The following MCCC1 variants were observed in gnomAD, a reference collection of about 807,000 sequenced individuals.
MCCC1 encodes the protein methylcrotonoyl-CoA carboxylase subunit alpha, mitochondrial.
MCCC1 carries 64 observed loss-of-function variants against 83.8 expected under a neutral mutation model. That is an observed-to-expected ratio of 0.76 (90% CI 0.62 to 0.94). MCCC1 has a LOEUF of 0.94. MCCC1 is among the 40% of genes least tolerant of loss of function. The probability of loss-of-function intolerance (pLI) is 0.00; values close to 1 mark genes in which losing one functional copy is unlikely to be tolerated. For missense variants in MCCC1, 807 were observed against 904.7 expected (o/e 0.89, Z 1.39); for synonymous variants, 322 against 315.4 (o/e 1.02, Z -0.22).
At chr3:183,074,117 TC>T (rs1309876557) in intron 4 of MCCC1, among the ~76,000 whole-genome samples, 4 of 152,228 alleles carry the variant, frequency 2.6e-5, no homozygotes, top group Admixed American at 2.0e-4. Flanking sequence ...TTTAATATTT[TC>T]ACACCATAGT....
chr3:183,033,492 G>A (rs754713289), intron 14 of MCCC1, among the ~76,000 whole-genome samples: 2 of 152,166 alleles, frequency 1.3e-5, no homozygotes, highest in Non-Finnish European at 2.9e-5. Context: ...ATCAGATAAG[G>A]CACTTAATAA....
At chr3:183,067,132 T>C (rs948844320) in intron 7 of MCCC1, among the ~76,000 whole-genome samples, 2 of 152,208 alleles carry the variant, frequency 1.3e-5, no homozygotes, top group Admixed American at 1.3e-4. Context: ...ACTTGACTTG[T>C]AAAGCCAATA....
intron 1 of MCCC1, among the ~76,000 whole-genome samples, chr3:183,114,775 G>A (rs886519223): frequency 6.6e-6 from 1 of 152,038 alleles, no homozygotes; most frequent in Non-Finnish European, 1.5e-5. Context: ...GTGTTTTATT[G>A]GAGTGACCAC....
intron 14 of MCCC1, among the ~76,000 whole-genome samples, chr3:183,032,232 GC>G (rs1288115360): frequency 2.0e-5 from 3 of 152,252 alleles, no homozygotes; most frequent in African/African-American, 7.2e-5. Flanking sequence ...TTAGTGAAGA[GC>G]CATGCCAAAT....
At chr3:183,058,711 TGAA>T (rs1441488647) in intron 7 of MCCC1, among the ~76,000 whole-genome samples, 2 of 151,862 alleles carry the variant, frequency 1.3e-5, no homozygotes, top group African/African-American at 4.8e-5. Context: ...ATATTAAGAG[TGAA>T]TGCACATAAC....
chr3:183,083,894 C>T (rs1019769314), intron 4 of MCCC1, among the ~76,000 whole-genome samples: 15 of 152,226 alleles, frequency 9.9e-5, no homozygotes, highest in African/African-American at 3.6e-4. Context: ...GAAAGTTCTA[C>T]TGCTCAGTCT....
chr3:183,102,131 G>A (rs1719321567), upstream of MCCC1, among the ~76,000 whole-genome samples: 2 of 151,954 alleles, frequency 1.3e-5, no homozygotes, highest in African/African-American at 4.8e-5. Context: ...GGCTGAGGTG[G>A]GCCTCCCAAA....
chr3:183,058,883 T>A (rs1312310403), intron 7 of MCCC1, among the ~76,000 whole-genome samples: 2 of 152,208 alleles, frequency 1.3e-5, no homozygotes, highest in Non-Finnish European at 2.9e-5. Flanking sequence ...GTTGATTTTT[T>A]AAAATAAAAA....
chr3:183,054,784 T>C (rs1317712436), intron 8 of MCCC1, among the ~76,000 whole-genome samples: 1 of 152,204 alleles, frequency 6.6e-6, no homozygotes, highest in Non-Finnish European at 1.5e-5. Context: ...AGGAGGTGTA[T>C]CATTTTAATA....
At chr3:183,070,849 A>G (rs990890001) in intron 7 of MCCC1, 150 bp downstream of exon 7, 8 of 919,960 alleles carry the variant, frequency 8.7e-6, no homozygotes, top group Non-Finnish European at 1.3e-5. Flanking sequence ...ATACCATCCT[A>G]CAATCAGTGG....
intron 3 of MCCC1, among the ~76,000 whole-genome samples, chr3:183,089,658 G>A (rs967661777): frequency 6.6e-6 from 1 of 151,966 alleles, no homozygotes; most frequent in Non-Finnish European, 1.5e-5. Flanking sequence ...ATAGGTGGGA[G>A]GGGGTGGAAA....
intron 1 of MCCC1, among the ~76,000 whole-genome samples, chr3:183,111,811 T>G (rs1719496306): frequency 6.6e-6 from 1 of 152,114 alleles, no homozygotes; most frequent in African/African-American, 2.4e-5. Flanking sequence ...TGTGCCTCAG[T>G]GCGAGACCAC....
chr3:183,035,613 G>C (rs1354210589), intron 13 of MCCC1, among the ~76,000 whole-genome samples: 1 of 148,366 alleles, frequency 6.7e-6, no homozygotes, highest in Non-Finnish European at 1.5e-5. Context: ...CATTTCCTTT[G>C]AGCATCATGT....
chr3:183,115,346 G>A (rs773846411), intron 1 of MCCC1: 1 of 152,160 alleles, frequency 6.6e-6, no homozygotes, highest in Non-Finnish European at 1.5e-5. Flanking sequence ...ATTCCCTGGA[G>A]TTCTTGCTGG....
chr3:183,075,349 C>G (rs1031598812), intron 4 of MCCC1, among the ~76,000 whole-genome samples: 58 of 152,244 alleles, frequency 3.8e-4, no homozygotes, highest in Non-Finnish European at 1.0e-4. Context: ...TAAGCGTTCC[C>G]TTTTCTCCAC....
chr3:183,049,422 T>G (rs1038249031), intron 9 of MCCC1, among the ~76,000 whole-genome samples: 1 of 151,656 alleles, frequency 6.6e-6, no homozygotes. Context: ...AATATAAAAA[T>G]TAGCTGGGTG....
intron 15 of MCCC1, among the ~76,000 whole-genome samples, chr3:183,024,740 G>A (rs1400288026): frequency 6.6e-6 from 1 of 152,116 alleles, no homozygotes. Flanking sequence ...CAGTATGGCG[G>A]TTTTTCAAAG....
intron 2 of MCCC1, among the ~76,000 whole-genome samples, 162 bp from the exon 3 acceptor site, chr3:183,092,707 T>C (rs1398719721): frequency 6.6e-6 from 1 of 152,198 alleles, no homozygotes; most frequent in African/African-American, 2.4e-5. Context: ...TAACTAATAT[T>C]AGACAGTGCA....
At chr3:183,113,316 G>A (rs1719531777) in intron 1 of MCCC1, among the ~76,000 whole-genome samples, 1 of 149,448 alleles carries the variant, frequency 6.7e-6, no homozygotes, top group South Asian at 2.1e-4. Flanking sequence ...ACTATCGCAA[G>A]GACAGAAAAC....
Sources: gnomAD v4.1 joint callset for allele counts (sites outside exome capture counted in the v4.1 genomes callset) on GRCh38, gnomAD v4.1.1 for gene constraint, MANE v1.5 for transcripts, NCBI Gene and HGNC (gene_info 2026-07-23, HGNC 2026-07-21) for gene names.